Variants in IMPG2 observed in about 807,000 individuals in gnomAD.
IMPG2 encodes the protein interphotoreceptor matrix proteoglycan 2, also known as IPM 200.
IMPG2 carries 91 observed loss-of-function variants against 129.2 expected under a neutral mutation model. The ratio of observed to expected loss-of-function variants is 0.70; its 90% CI spans 0.59 to 0.84. The LOEUF (loss-of-function observed/expected upper bound fraction) is 0.84, where lower values mean the gene tolerates loss of function less well. Ranked by LOEUF, IMPG2 falls within the 40% of genes least tolerant of loss-of-function variation. The probability of loss-of-function intolerance (pLI) is 0.00; values close to 1 mark genes in which losing one functional copy is unlikely to be tolerated. For missense variants in IMPG2, 1,430 were observed against 1,461.7 expected (o/e 0.98, Z 0.35); for synonymous variants, 510 against 517.7 (o/e 0.99, Z 0.20).
At chr3:101,264,237 G>A (rs1039981007) in intron 9 of IMPG2, among the ~76,000 whole-genome samples, 3 of 151,726 alleles carry the variant, frequency 2.0e-5, no homozygotes, top group African/African-American at 4.8e-5. Flanking sequence ...AACAAGACAC[G>A]TACCTGACAA....
intron 14 of IMPG2, among the ~76,000 whole-genome samples, chr3:101,240,177 G>T (rs182097969): frequency 6.6e-6 from 1 of 151,432 alleles, no homozygotes; most frequent in African/African-American, 2.4e-5. Flanking sequence ...GAGTGTAGTC[G>T]TGTGATCATA....
rs1021370919 is a variant in IMPG2 at position 101,223,627 on chromosome 3, G to T, written c.*3342C>A. 1 of 152,172 alleles carries T rather than the reference G, an allele frequency of 6.6e-6. No individual in the cohort carries two copies. The highest frequency in any genetic ancestry group is 1.5e-5 in the Non-Finnish European group (1 of 68,026). 9.4% of individuals were successfully genotyped at this position (152,172 alleles called of 1,614,324 possible). On this transcript the variant is annotated 3_prime_UTR_variant, in exon 19 of 19. Coordinates refer to ENST00000193391, the MANE Select transcript of IMPG2 (RefSeq NM_016247.4). The stretch of plus-strand genomic sequence containing the variant: ...TCATACTTCAGCCAACCTACTTTTA[G>T]AGCCTACAAAGAATATTTGTGCAGT...
intron 10 of IMPG2, among the ~76,000 whole-genome samples, chr3:101,254,090 G>A (rs1001144310): frequency 1.1e-4 from 16 of 151,838 alleles, no homozygotes; most frequent in African/African-American, 1.9e-4. Context: ...CCTATGAAGC[G>A]CTTATTTTTA....
intron 16 of IMPG2, 66 bp from the exon 17 acceptor site, chr3:101,229,656 C>A (rs1244526865): frequency 7.3e-6 from 10 of 1,373,868 alleles, no homozygotes; most frequent in East Asian, 4.7e-5. Flanking sequence ...AGACTATTTA[C>A]CTGGGACAAT....
intron 3 of IMPG2, among the ~76,000 whole-genome samples, chr3:101,295,667 G>A (rs1484225224): frequency 6.6e-6 from 1 of 152,180 alleles, no homozygotes; most frequent in East Asian, 1.9e-4. Flanking sequence ...CCATTTTCAT[G>A]ATATTGTTTC....
At chr3:101,227,269 C>T (rs749766558) in intron 18 of IMPG2, among the ~76,000 whole-genome samples, 3 of 152,198 alleles carry the variant, frequency 2.0e-5, no homozygotes, top group Admixed American at 6.5e-5. Context: ...GTTTGGATTA[C>T]ATGCCTGACA....
intron 9 of IMPG2, among the ~76,000 whole-genome samples, chr3:101,259,819 C>G (rs771445922): frequency 6.6e-6 from 1 of 152,028 alleles, no homozygotes; most frequent in Non-Finnish European, 1.5e-5. Context: ...ATGATACTGG[C>G]TGTTGAGATC....
At chr3:101,306,190 A>G (rs1419380974) in intron 2 of IMPG2, among the ~76,000 whole-genome samples, 1 of 152,198 alleles carries the variant, frequency 6.6e-6, no homozygotes, top group Non-Finnish European at 1.5e-5. Flanking sequence ...TTATCTGTGA[A>G]AGTATTTTAC....
chr3:101,279,208 A>G (rs1056805777), intron 4 of IMPG2, among the ~76,000 whole-genome samples: 4 of 152,232 alleles, frequency 2.6e-5, no homozygotes, highest in African/African-American at 9.6e-5. Flanking sequence ...ATCATGTGTC[A>G]TACACTGCTA....
chr3:101,265,143 G>A (rs1313095212), intron 9 of IMPG2, among the ~76,000 whole-genome samples: 2 of 151,990 alleles, frequency 1.3e-5, no homozygotes, highest in African/African-American at 4.8e-5. Context: ...CAGATTTGAA[G>A]CAATCCTTAT....
In IMPG2 at chr3:101,245,946, G is replaced by A; in HGVS notation, c.1399C>T (p.Pro467Ser). 1 of 1,614,134 alleles carries A rather than the reference G, an allele frequency of 6.2e-7. No individual in the cohort carries two copies. Among genetic ancestry groups the A allele is most frequent in the Non-Finnish European group, 8.5e-7 (1 of 1,180,010 alleles). Residue 467 changes from proline (P) to serine (S), a missense_variant, in exon 12 of 19, where the codon CCC (proline) becomes TCC (serine). Pro to Ser is a moderately conservative substitution (Grantham distance 74). Coordinates refer to ENST00000193391, the MANE Select transcript of IMPG2 (RefSeq NM_016247.4). Reference sequence around the variant, plus strand: ...GAAGAGCTGAGGCCCATCTTCGAGGGAAAGGCTAATTTGTGTGTAGACACT... The same window carrying A: ...GAAGAGCTGAGGCCCATCTTCGAGGAAAAGGCTAATTTGTGTGTAGACACT... The part of the protein sequence containing the change: ...DLVSTHKLAF[P>S]SKMGLSSSPE...
intron 2 of IMPG2, among the ~76,000 whole-genome samples, chr3:101,306,496 T>C (rs1010145357): frequency 1.3e-5 from 2 of 152,208 alleles, no homozygotes; most frequent in Non-Finnish European, 2.9e-5. Context: ...AGCTGAACTA[T>C]TTGTAGATCA....
intron 4 of IMPG2, among the ~76,000 whole-genome samples, chr3:101,279,526 T>A (rs1706871743): frequency 6.6e-6 from 1 of 152,132 alleles, no homozygotes. Flanking sequence ...AAAGTCAGTG[T>A]GTAAGGTCCC....
chr3:101,294,091 T>C (rs993720651), intron 3 of IMPG2, among the ~76,000 whole-genome samples: 6 of 152,194 alleles, frequency 3.9e-5, no homozygotes, highest in Non-Finnish European at 7.3e-5. Context: ...TTATTTACTT[T>C]TACTTTAAGT....
Position 101,304,160 on chromosome 3 carries a change from T to G in IMPG2, c.487A>C (p.Ser163Arg), listed in dbSNP as rs776900926. The G allele has an allele frequency of 1.9e-6, 3 of 1,613,820 alleles. No homozygotes were observed. The highest frequency in any genetic ancestry group is 2.5e-6 in the Non-Finnish European group (3 of 1,179,722). Residue 163 changes from serine to arginine, a missense_variant, in exon 3 of 19, where the codon AGC (serine) becomes CGC (arginine). Ser to Arg is a moderately radical substitution (Grantham distance 110). Coordinates refer to ENST00000193391, the MANE Select transcript of IMPG2 (RefSeq NM_016247.4). The stretch of plus-strand genomic sequence containing the variant: ...GTGACACTTACCTTCATGATTAAGC[T>G]TCTATGTTCCACAGATTCACTAAAA... ...TNFSESVEHR[S>R]LIMKKLTYAK...
At position 101,262,896 on chromosome 3, in the gene IMPG2, G is replaced by A. The variant is rs143272795; in HGVS notation, c.908+4615C>T. On this transcript the variant is annotated intron_variant, in intron 9 of 18. Coordinates refer to ENST00000193391, the MANE Select transcript of IMPG2 (RefSeq NM_016247.4). ...ACAAACAGAAACCAAAAGCAAGTGG[G>A]AGTAACCATGCTCAGACAAAACAGA... is the stretch of plus-strand genomic sequence containing the variant. Among the ~76,000 whole-genome samples the A allele has an allele frequency of 5.3e-5, 8 of 151,872 alleles. No homozygotes were observed. In the East Asian group the frequency reaches 1.5e-3, roughly 29 times the overall value.
At chr3:101,308,836 C>T (rs761918219) in intron 2 of IMPG2, among the ~76,000 whole-genome samples, 20 of 152,208 alleles carry the variant, frequency 1.3e-4, no homozygotes, top group Middle Eastern at 3.2e-3. Flanking sequence ...TTAAACATAA[C>T]TTTCAATTCC....
chr3:101,301,723 A>G (rs1707141267), intron 3 of IMPG2, among the ~76,000 whole-genome samples: 1 of 152,082 alleles, frequency 6.6e-6, no homozygotes, highest in Non-Finnish European at 1.5e-5. Flanking sequence ...TCCTATTTAC[A>G]TCTCTCAAGT....
intron 17 of IMPG2, 69 bp downstream of exon 17, chr3:101,229,298 ACACCCCCACCCAC>A: frequency 3.1e-6 from 3 of 973,062 alleles, no homozygotes; most frequent in Non-Finnish European, 4.9e-6. Flanking sequence ...ACACTCATAC[ACACCCCCACCCAC>A]CACCCCCTGC....
Sources: allele counts gnomAD v4.1 joint callset (sites outside exome capture counted in the v4.1 genomes callset), GRCh38; gene constraint gnomAD v4.1.1; transcripts MANE v1.5; gene names NCBI Gene and HGNC (gene_info 2026-07-23, HGNC 2026-07-21).